CDKAL1: variants seen among roughly 807,000 people sequenced by gnomAD.
CDKAL1 encodes threonylcarbamoyladenosine tRNA methylthiotransferase.
A neutral mutation model predicts 68.2 loss-of-function variants in CDKAL1; 32 were observed. That is an observed-to-expected ratio of 0.47 (90% CI 0.35 to 0.63). CDKAL1 has a LOEUF of 0.63. CDKAL1 is among the 30% of genes least tolerant of loss of function. CDKAL1 has a pLI of 0.00. For missense variants in CDKAL1, 606 were observed against 696.7 expected, an observed-to-expected ratio of 0.87 and a Z score of 1.47; for synonymous variants, 234 against 244.3, an observed-to-expected ratio of 0.96 and a Z score of 0.39.
intron 6 of CDKAL1, among the ~76,000 whole-genome samples, chr6:20,751,070 A>G (rs541450453): frequency 3.8e-4 from 58 of 151,540 alleles, no homozygotes; most frequent in African/African-American, 1.4e-3. Flanking sequence ...GTAGAGCATG[A>G]AACAGAGTAA....
intron 4 of CDKAL1, among the ~76,000 whole-genome samples, chr6:20,594,641 A>C (rs1484597745): frequency 1.3e-5 from 2 of 152,114 alleles, no homozygotes; most frequent in Admixed American, 1.3e-4. Context: ...CCAATTTGCC[A>C]GTCCGTGTCT....
At chr6:20,830,703 T>A (rs991580156) in intron 8 of CDKAL1, among the ~76,000 whole-genome samples, 5 of 151,898 alleles carry the variant, frequency 3.3e-5, no homozygotes, top group African/African-American at 1.2e-4. Flanking sequence ...CCTCCTTCTC[T>A]CCTCTCCTAT....
intron 9 of CDKAL1, among the ~76,000 whole-genome samples, chr6:20,854,578 G>A (rs1157802527): frequency 6.6e-6 from 1 of 152,184 alleles, no homozygotes; most frequent in East Asian, 1.9e-4. Context: ...TGATAATGGG[G>A]CAGACAGCTT....
intron 12 of CDKAL1, among the ~76,000 whole-genome samples, chr6:21,070,585 G>A (rs187803333): frequency 4.6e-5 from 7 of 150,886 alleles, no homozygotes; most frequent in East Asian, 3.9e-4. Flanking sequence ...GTGTTTTTTC[G>A]CCCTGTGTCC....
intron 12 of CDKAL1, among the ~76,000 whole-genome samples, chr6:21,100,387 A>G (rs1481646759): frequency 1.3e-5 from 2 of 152,214 alleles, no homozygotes; most frequent in South Asian, 4.1e-4. Context: ...CTTTGCCTCC[A>G]GCACTTGGGT....
chr6:21,093,883 A>G (rs1473600571), intron 12 of CDKAL1, among the ~76,000 whole-genome samples: 1 of 136,236 alleles, frequency 7.3e-6, no homozygotes, highest in Admixed American at 7.6e-5. Context: ...TAGGTGCACC[A>G]CCACACCTGG....
intron 14 of CDKAL1, among the ~76,000 whole-genome samples, chr6:21,199,984 G>T (rs554123097): frequency 6.6e-6 from 1 of 152,232 alleles, no homozygotes; most frequent in African/African-American, 2.4e-5. Flanking sequence ...TGACTTTTCT[G>T]TCTCTATAAC....
At chr6:21,087,242 G>A (rs899159562) in intron 12 of CDKAL1, among the ~76,000 whole-genome samples, 2 of 152,230 alleles carry the variant, frequency 1.3e-5, no homozygotes, top group African/African-American at 4.8e-5. Context: ...TGCTCTACGG[G>A]AGGACTCTAT....
chr6:20,634,959 A>G (rs899765036), intron 4 of CDKAL1, among the ~76,000 whole-genome samples: 5 of 147,854 alleles, frequency 3.4e-5, no homozygotes, highest in African/African-American at 1.2e-4. Context: ...TCTGGGCAAC[A>G]AGAGCAAAAC....
intron 4 of CDKAL1, among the ~76,000 whole-genome samples, chr6:20,589,317 CAGTT>C (rs1027515599): frequency 6.6e-5 from 10 of 152,208 alleles, no homozygotes; most frequent in East Asian, 1.9e-4. Context: ...TAGTAAAAAG[CAGTT>C]AGTTACTTCC....
intron 8 of CDKAL1, among the ~76,000 whole-genome samples, chr6:20,838,409 T>C (rs1778045039): frequency 6.6e-6 from 1 of 152,184 alleles, no homozygotes; most frequent in South Asian, 2.1e-4. Context: ...CAATTACAGC[T>C]GTCTCTACTG....
intron 5 of CDKAL1, among the ~76,000 whole-genome samples, chr6:20,708,400 T>A (rs1298914539): frequency 1.3e-5 from 2 of 152,244 alleles, no homozygotes; most frequent in Non-Finnish European, 2.9e-5. Context: ...CAGGAATTTC[T>A]ATCCTTTTCT....
intron 4 of CDKAL1, among the ~76,000 whole-genome samples, chr6:20,573,448 A>G (rs553990129): frequency 2.1e-4 from 32 of 152,300 alleles, no homozygotes; most frequent in Admixed American, 5.2e-4. Flanking sequence ...ATGGAAATGA[A>G]CCTAATATGT....
intron 13 of CDKAL1, among the ~76,000 whole-genome samples, chr6:21,196,999 A>C (rs946440189): frequency 6.6e-6 from 1 of 152,130 alleles, no homozygotes; most frequent in South Asian, 2.1e-4. Context: ...CTCTACTAAA[A>C]ATATAAAAAT....
chr6:20,975,275 C>T (rs533864377), intron 10 of CDKAL1, among the ~76,000 whole-genome samples: 1 of 152,322 alleles, frequency 6.6e-6, no homozygotes, highest in South Asian at 2.1e-4. Flanking sequence ...TGCAATTACT[C>T]AGATTCAGTT....
At chr6:21,189,629 G>A (rs764664823) in intron 13 of CDKAL1, among the ~76,000 whole-genome samples, 27 of 152,160 alleles carry the variant, frequency 1.8e-4, no homozygotes, top group Admixed American at 1.6e-3. Context: ...TTTTGAATAC[G>A]ATGGACTTAA....
chr6:21,205,733 G>A (rs533041785), intron 15 of CDKAL1, among the ~76,000 whole-genome samples: 222 of 149,640 alleles, frequency 1.5e-3, no homozygotes, highest in African/African-American at 5.1e-3. Context: ...GGGTTTCACT[G>A]TGTTAGCCAG....
chr6:21,136,182 C>T (rs370717343), intron 13 of CDKAL1, among the ~76,000 whole-genome samples: 1 of 152,190 alleles, frequency 6.6e-6, no homozygotes, highest in African/African-American at 2.4e-5. Context: ...TAGGTGTCCT[C>T]TGTATGCTTA....
intron 13 of CDKAL1, among the ~76,000 whole-genome samples, chr6:21,119,865 T>C (rs1774618078): frequency 6.6e-6 from 1 of 152,160 alleles, no homozygotes; most frequent in Admixed American, 6.5e-5. Flanking sequence ...CATTCTCCCT[T>C]GTAAGAGTCT....
Sources: gnomAD v4.1 joint callset for allele counts (sites outside exome capture counted in the v4.1 genomes callset) on GRCh38, gnomAD v4.1.1 for gene constraint, MANE v1.5 for transcripts, NCBI Gene and HGNC (gene_info 2026-07-23, HGNC 2026-07-21) for gene names.